GSE1: variants seen among roughly 807,000 people sequenced by gnomAD.
GSE1 encodes genetic suppressor element 1.
In GSE1, 32 loss-of-function variants were observed where a neutral mutation model predicts 112.6. That is an observed-to-expected ratio of 0.28 (90% CI 0.21 to 0.38). GSE1 has a LOEUF of 0.38. Ranked by LOEUF, GSE1 falls within the 10% of genes least tolerant of loss-of-function variation. GSE1 has a pLI of 1.00. For synonymous variants in GSE1, 1,115 were observed against 735.6 expected (o/e 1.52, Z -8.35); for missense variants, 2,348 against 1,699.2 (o/e 1.38, Z -6.71).
At position 85,311,049 on chromosome 16, in the gene GSE1, A is replaced by G. The variant is rs1252067406; in HGVS notation, c.2284-46414A>G. On this transcript the variant is annotated intron_variant, in intron 1 of 2. Coordinates refer to the GSE1 transcript ENST00000637419. This position sits in a 1 kb window ranked among gnomAD's most constrained non-coding sequence, Gnocchi z 4.2. The stretch of plus-strand genomic sequence containing the variant: ...CTTTCCGCGGCCGTCAGCAATGGCC[A>G]TGGCTCTGTCAAGAAGGATTATCTC... Among the ~76,000 whole-genome samples the G allele has an allele frequency of 6.6e-6, 1 of 152,216 alleles. No individual in the cohort carries two copies. The highest frequency in any genetic ancestry group is 2.4e-5 in the African/African-American group (1 of 41,474).
At chr16:85,420,309 C>T (rs1298805297) in intron 2 of GSE1, among the ~76,000 whole-genome samples, 2 of 152,126 alleles carry the variant, frequency 1.3e-5, no homozygotes, top group South Asian at 2.1e-4. Context: ...TGTGGCCCTG[C>T]GGACACCTTG....
At chr16:85,670,831 C>T (rs2053268990) in intron 14 of GSE1, 164 bp from the exon 15 acceptor site, 2 of 541,206 alleles carry the variant, frequency 3.7e-6, no homozygotes, top group East Asian at 6.4e-5. Flanking sequence ...TTTATCGGTA[C>T]AATTCAAAGG....
intron 1 of GSE1, among the ~76,000 whole-genome samples, chr16:85,589,014 A>G (rs1386043007): frequency 2.0e-5 from 3 of 152,128 alleles, no homozygotes; most frequent in Non-Finnish European, 2.9e-5. Flanking sequence ...CGGGTGGGGT[A>G]CACTCCTGCA....
At chr16:85,248,204 T>C (rs1027691203) in intron 1 of GSE1, among the ~76,000 whole-genome samples, 2 of 152,142 alleles carry the variant, frequency 1.3e-5, no homozygotes, top group Non-Finnish European at 2.9e-5. Context: ...CCTGTACCCC[T>C]CAGAGAGTCT....
chr16:85,553,166 A>C (rs868667671), upstream of GSE1, among the ~76,000 whole-genome samples: 4 of 147,636 alleles, frequency 2.7e-5, no homozygotes, highest in Non-Finnish European at 6.0e-5. Flanking sequence ...GGCACAGATC[A>C]TGCAGCTCGC....
intron 1 of GSE1, among the ~76,000 whole-genome samples, chr16:85,621,605 C>T (rs2048747819): frequency 6.6e-6 from 1 of 152,190 alleles, no homozygotes; most frequent in African/African-American, 2.4e-5. Flanking sequence ...TTTAACTAAG[C>T]AGCTGGTTTC....
intron 2 of GSE1, among the ~76,000 whole-genome samples, chr16:85,493,596 A>C (rs1223165448): frequency 1.3e-5 from 2 of 152,030 alleles, no homozygotes; most frequent in Non-Finnish European, 1.5e-5. Context: ...TCTACTAAAA[A>C]TTCAAAATTA....
chr16:85,316,506 C>A (rs1326521058), intron 1 of GSE1, among the ~76,000 whole-genome samples: 1 of 152,210 alleles, frequency 6.6e-6, no homozygotes, highest in African/African-American at 2.4e-5. Flanking sequence ...GTGAAGAGCG[C>A]TCCAGCAGGC....
chr16:85,369,884 A>G (rs1194323255), intron 2 of GSE1, among the ~76,000 whole-genome samples: 1 of 152,224 alleles, frequency 6.6e-6, no homozygotes, highest in African/African-American at 2.4e-5. Context: ...CCTCACGGTC[A>G]TTCTGCAGGG....
At chr16:85,232,975 C>T (rs543997934) in intron 1 of GSE1, among the ~76,000 whole-genome samples, 50 of 152,378 alleles carry the variant, frequency 3.3e-4, no homozygotes, top group East Asian at 2.3e-3. Context: ...GCCACGTGGG[C>T]GTCAAGGTGG....
chr16:85,553,437 G>T (rs1276913817), upstream of GSE1, among the ~76,000 whole-genome samples: 2 of 151,796 alleles, frequency 1.3e-5, no homozygotes, highest in Non-Finnish European at 2.9e-5. Context: ...CCAGAGGTTG[G>T]CGGCGGGCGC....
intron 1 of GSE1, among the ~76,000 whole-genome samples, chr16:85,174,495 C>T (rs1209854126): frequency 4.6e-5 from 7 of 152,212 alleles, no homozygotes; most frequent in South Asian, 2.1e-4. Context: ...GGGAGAATGC[C>T]GGAAATGCAG....
upstream of GSE1, chr16:85,611,491 C>A: frequency 1.0e-6 from 1 of 985,032 alleles, no homozygotes; most frequent in Non-Finnish European, 1.2e-6. Flanking sequence ...TGCGGGGAAG[C>A]AGCACCCCCG....
At position 85,269,301 on chromosome 16, in the gene GSE1, A is replaced by C. The variant is rs778903860; in HGVS notation, c.2284-88162A>C. Among the ~76,000 whole-genome samples, 33 of 149,386 alleles carry C rather than the reference A, an allele frequency of 2.2e-4. 3 individuals carry two copies. Among genetic ancestry groups the C allele is most frequent in the Non-Finnish European group, 5.0e-4 (33 of 66,272 alleles). On this transcript the variant is annotated intron_variant, in intron 1 of 2. Coordinates refer to the GSE1 transcript ENST00000637419. ...TCCCACGTCCTTCCCCTGTGTCCCA[A>C]GATGGTGAGATGACCTCCCCAGCAG...
At chr16:85,312,482 C>T (rs951016470) in intron 1 of GSE1, among the ~76,000 whole-genome samples, 16 of 152,186 alleles carry the variant, frequency 1.1e-4, no homozygotes, top group African/African-American at 3.9e-4. Context: ...ACGTGGCCTC[C>T]TCACTCTTTG....
intron 2 of GSE1, among the ~76,000 whole-genome samples, chr16:85,367,574 G>A (rs780400616): frequency 6.6e-5 from 10 of 152,206 alleles, no homozygotes; most frequent in African/African-American, 1.4e-4. Flanking sequence ...ACGGGTGGTC[G>A]CAGAGGCCTA....
chr16:85,221,005 C>T (rs1408622347), intron 1 of GSE1, among the ~76,000 whole-genome samples: 2 of 151,170 alleles, frequency 1.3e-5, no homozygotes, highest in African/African-American at 4.9e-5. Context: ...GGAGAACAGC[C>T]AAGCCTTTGT....
chr16:85,637,232 C>T (rs545397926), intron 2 of GSE1, among the ~76,000 whole-genome samples: 7 of 152,346 alleles, frequency 4.6e-5, no homozygotes, highest in South Asian at 4.1e-4. Context: ...TGTAGATGTA[C>T]CTGTGGGCAT....
chr16:85,663,446 A>G lies in GSE1; in HGVS notation c.2476A>G (p.Ser826Gly). ...RKRRRMLRER[S>G]PSPPTIQSKR... Reference sequence around the variant, plus strand: ...GCGGCGGAGGATGCTGCGAGAGAGAAGCCCGTCGCCCCCAACAATTCAGAG... The same window carrying G: ...GCGGCGGAGGATGCTGCGAGAGAGAGGCCCGTCGCCCCCAACAATTCAGAG... The change falls in exon 11 of 16, where the codon AGC becomes GGC. Residue 826 changes from serine (S) to glycine (G), a missense_variant. Ser to Gly is a moderately conservative substitution (Grantham distance 56). Coordinates refer to ENST00000253458, the MANE Select transcript of GSE1 (RefSeq NM_014615.5). The G allele has an allele frequency of 6.2e-7, 1 of 1,613,934 alleles. No homozygotes were observed. The highest frequency in any genetic ancestry group is 8.5e-7 in the Non-Finnish European group (1 of 1,180,042).
Sources: gnomAD v4.1 joint callset for allele counts (sites outside exome capture counted in the v4.1 genomes callset) on GRCh38, gnomAD v4.1.1 for gene constraint, Gnocchi (gnomAD v3.1) non-coding constraint, MANE v1.5 for transcripts, NCBI Gene and HGNC (gene_info 2026-07-23, HGNC 2026-07-21) for gene names.